The following CLINT1 variants were observed in gnomAD, a reference collection of about 807,000 sequenced individuals.
CLINT1 encodes clathrin interactor 1, also known as clathrin interacting protein localized in the trans-Golgi region.
CLINT1 carries 15 observed loss-of-function variants against 70.4 expected under a neutral mutation model. That is an observed-to-expected ratio of 0.21 (90% CI 0.14 to 0.33). The LOEUF (loss-of-function observed/expected upper bound fraction) is 0.33, where lower values mean the gene tolerates loss of function less well. Ranked by LOEUF, CLINT1 falls within the 10% of genes least tolerant of loss-of-function variation. The pLI, the probability that CLINT1 is intolerant of heterozygous loss-of-function variation, is 1.00. For synonymous variants in CLINT1, 227 were observed against 254.7 expected (o/e 0.89, Z 1.04); for missense variants, 615 against 778.1 (o/e 0.79, Z 2.49).
At position 157,817,553 on chromosome 5, in the gene CLINT1, G is replaced by A. The variant is rs549742330; in HGVS notation, c.42-6C>T. 1.9e-4 allele frequency: 307 copies of A among 1,578,190 alleles called. 1 individual carries two copies. The African/African-American group carries it at 2.8e-3, about 14-fold the overall frequency. On this transcript the variant is annotated splice_polypyrimidine_tract_variant and splice_region_variant and intron_variant, in intron 1 of 11. Transcript: ENST00000411809. ...AATTCATAACAACATTGGTGCTGTAGAGGAAAAAAATGCACGCACACATGC... is the reference window on the plus strand; with the variant it reads ...AATTCATAACAACATTGGTGCTGTAAAGGAAAAAAATGCACGCACACATGC...
chr5:157,841,387 G>A (rs1753172671), intron 1 of CLINT1, among the ~76,000 whole-genome samples: 1 of 151,108 alleles, frequency 6.6e-6, no homozygotes, highest in African/African-American at 2.5e-5. Flanking sequence ...CCAACATGGT[G>A]AAACCCCATC....
intron 1 of CLINT1, among the ~76,000 whole-genome samples, chr5:157,835,883 T>C (rs973271024): frequency 2.6e-5 from 4 of 152,294 alleles, no homozygotes; most frequent in Admixed American, 6.5e-5. Context: ...AAGAACTAAA[T>C]GAAATCTAAA....
chr5:157,829,015 T>C (rs1763132160), intron 1 of CLINT1, among the ~76,000 whole-genome samples: 1 of 151,290 alleles, frequency 6.6e-6, no homozygotes, highest in Admixed American at 6.6e-5. Context: ...GGCAAGAGAA[T>C]TGGTTGAACC....
intron 7 of CLINT1, among the ~76,000 whole-genome samples, chr5:157,804,037 TAAAA>T (rs3836883): frequency 3.1e-4 from 41 of 131,328 alleles, no homozygotes; most frequent in Admixed American, 4.7e-4. Context: ...ATCAGTTCAT[TAAAA>T]AAAAAAAAAA....
intron 5 of CLINT1, 60 bp from the exon 6 acceptor site, chr5:157,809,865 C>A: frequency 6.8e-7 from 1 of 1,475,526 alleles, no homozygotes; most frequent in Non-Finnish European, 9.2e-7. Context: ...AAGGTATCTA[C>A]AAGTCCTTAT....
At chr5:157,790,527 C>G (rs1422464377) in intron 10 of CLINT1, 3 of 370,950 alleles carry the variant, frequency 8.1e-6, no homozygotes, top group South Asian at 2.1e-5. Flanking sequence ...ACAATTAAGA[C>G]TGCAAATAAA....
At chr5:157,829,132 C>CA (rs1476264016) in intron 1 of CLINT1, among the ~76,000 whole-genome samples, 1 of 151,640 alleles carries the variant, frequency 6.6e-6, no homozygotes, top group Non-Finnish European at 1.5e-5. Context: ...ACAACAACAA[C>CA]AAAAAACACT....
chr5:157,814,359 T>TAAA, intron 3 of CLINT1, 66 bp from the exon 4 acceptor site: 1 of 1,040,344 alleles, frequency 9.6e-7, no homozygotes, highest in Non-Finnish European at 1.4e-6. Context: ...GGTAAATGGT[T>TAAA]AAAAAAAATA....
intron 8 of CLINT1, among the ~76,000 whole-genome samples, chr5:157,796,887 C>CATATATAT (rs71665669): frequency 8.1e-5 from 12 of 148,034 alleles, no homozygotes; most frequent in South Asian, 2.1e-4. Flanking sequence ...CTCATACATA[C>CATATATAT]ATATATATAT....
At chr5:157,851,751 A>T (rs962452528) in intron 1 of CLINT1, among the ~76,000 whole-genome samples, 5 of 152,178 alleles carry the variant, frequency 3.3e-5, no homozygotes, top group African/African-American at 4.8e-5. Context: ...TCTTAAATGA[A>T]GTACAAACCA....
chr5:157,814,313 T>C lies in CLINT1; in HGVS notation c.244-20A>G, dbSNP rs779602194. Reference sequence around the variant, plus strand: ...CAACGACTGCAAAAATACAAAGCAATAAATGATTTAATGAAATATATTCTA... The same window carrying C: ...CAACGACTGCAAAAATACAAAGCAACAAATGATTTAATGAAATATATTCTA... On this transcript the variant is annotated intron_variant, in intron 3 of 11. Coordinates refer to ENST00000411809, the MANE Select transcript of CLINT1 (RefSeq NM_014666.4). 6.7e-6 allele frequency: 10 copies of C among 1,489,350 alleles called. No homozygotes were observed. Among genetic ancestry groups the C allele is most frequent in the Non-Finnish European group, 9.3e-6 (10 of 1,077,250 alleles). 92.3% of individuals were successfully genotyped at this position (1,489,350 alleles called of 1,614,324 possible). A position where few individuals can be genotyped will look rare whatever the true frequency, so the allele number is the denominator to read the frequency against.
intron 1 of CLINT1, among the ~76,000 whole-genome samples, chr5:157,828,067 G>A (rs1464261050): frequency 1.3e-5 from 2 of 152,134 alleles, no homozygotes; most frequent in East Asian, 3.8e-4. Context: ...TAAATGAAAT[G>A]ACATGTGTAA....
At chr5:157,840,470 C>T (rs909838549) in intron 1 of CLINT1, among the ~76,000 whole-genome samples, 5 of 151,814 alleles carry the variant, frequency 3.3e-5, no homozygotes, top group African/African-American at 7.3e-5. Context: ...CTGTGGCTAT[C>T]TAAAAGAATC....
chr5:157,827,256 G>A (rs572690710), intron 1 of CLINT1, among the ~76,000 whole-genome samples: 107 of 152,154 alleles, frequency 7.0e-4, no homozygotes, highest in Middle Eastern at 6.8e-3. Flanking sequence ...AGTTTCAAAC[G>A]ACAATCTGTC....
At chr5:157,795,077 C>A in intron 8 of CLINT1, 105 bp from the exon 9 acceptor site, 1 of 828,882 alleles carries the variant, frequency 1.2e-6, no homozygotes, top group African/African-American at 1.7e-5. Context: ...TATTAGAGGC[C>A]CAGATGCCTC....
At chr5:157,847,871 G>T (rs1753436012) in intron 1 of CLINT1, among the ~76,000 whole-genome samples, 1 of 152,078 alleles carries the variant, frequency 6.6e-6, no homozygotes, top group Admixed American at 6.6e-5. Context: ...GGAGTACAGT[G>T]GCACCATCAC....
At chr5:157,797,048 A>G (rs1000520877) in intron 8 of CLINT1, among the ~76,000 whole-genome samples, 5 of 152,228 alleles carry the variant, frequency 3.3e-5, no homozygotes, top group African/African-American at 1.2e-4. Context: ...AGGTACATAC[A>G]TCATGATAAA....
intron 8 of CLINT1, among the ~76,000 whole-genome samples, chr5:157,800,483 A>G (rs995668808): frequency 1.3e-5 from 2 of 152,282 alleles, no homozygotes; most frequent in Admixed American, 1.3e-4. Flanking sequence ...TCACTGCTGA[A>G]TTCAATTTAA....
At chr5:157,832,145 G>A (rs1408744319) in intron 1 of CLINT1, among the ~76,000 whole-genome samples, 1 of 151,896 alleles carries the variant, frequency 6.6e-6, no homozygotes, top group Non-Finnish European at 1.5e-5. Context: ...GTGCTGCCAC[G>A]CGAATTTTTG....
Sources: allele counts gnomAD v4.1 joint callset (sites outside exome capture counted in the v4.1 genomes callset), GRCh38; gene constraint gnomAD v4.1.1; transcripts MANE v1.5; gene names NCBI Gene and HGNC (gene_info 2026-07-23, HGNC 2026-07-21).